ERICH3: variants seen among roughly 807,000 people sequenced by gnomAD.
The protein encoded by ERICH3 is glutamate rich 3.
ERICH3 carries 126 observed loss-of-function variants against 131.1 expected under a neutral mutation model. That is an observed-to-expected ratio of 0.96 (90% CI 0.83 to 1.11). The LOEUF (loss-of-function observed/expected upper bound fraction) is 1.11, where lower values mean the gene tolerates loss of function less well. ERICH3 is among the 50% of genes most tolerant of loss of function. ERICH3 has a pLI of 0.00. For missense variants in ERICH3, 2,050 were observed against 1,810.7 expected (o/e 1.13, Z -2.40); for synonymous variants, 695 against 644.6 (o/e 1.08, Z -1.18).
chr1:74,590,154 C>T, intron 11 of ERICH3, 74 bp from the exon 12 acceptor site: 2 of 1,263,018 alleles, frequency 1.6e-6, no homozygotes, highest in Non-Finnish European at 1.1e-6. Context: ...ATTATGTTAG[C>T]AATTAATAAT....
chr1:74,584,571 C>T (rs1647247769), intron 12 of ERICH3, among the ~76,000 whole-genome samples: 1 of 152,172 alleles, frequency 6.6e-6, no homozygotes, highest in Admixed American at 6.5e-5. Context: ...TCATTCATCT[C>T]TGTTCAGATG....
chr1:74,668,486 A>C (rs1646711952), intron 1 of ERICH3, among the ~76,000 whole-genome samples: 1 of 152,238 alleles, frequency 6.6e-6, no homozygotes, highest in African/African-American at 2.4e-5. Context: ...AGATTTCAAT[A>C]TAGTTGAAGA....
At chr1:74,603,450 A>G (rs1338031866) in intron 10 of ERICH3, among the ~76,000 whole-genome samples, 1 of 151,934 alleles carries the variant, frequency 6.6e-6, no homozygotes, top group Non-Finnish European at 1.5e-5. Flanking sequence ...GTGTGTGCAC[A>G]GTGCCTAGTT....
intron 6 of ERICH3, among the ~76,000 whole-genome samples, chr1:74,632,557 C>T (rs956131365): frequency 2.0e-5 from 3 of 151,872 alleles, no homozygotes; most frequent in East Asian, 3.9e-4. Context: ...GATACATATA[C>T]ACACATGCAC....
chr1:74,605,678 AATTG>A (rs1413648778), intron 10 of ERICH3, among the ~76,000 whole-genome samples: 2 of 151,664 alleles, frequency 1.3e-5, no homozygotes, highest in African/African-American at 4.8e-5. Flanking sequence ...GCAGTCAGAA[AATTG>A]ATTAACTTCA....
chr1:74,654,019 TAA>T (rs1383704519), intron 1 of ERICH3, among the ~76,000 whole-genome samples: 1 of 152,328 alleles, frequency 6.6e-6, no homozygotes, highest in Admixed American at 6.5e-5. Flanking sequence ...CAATTTATTA[TAA>T]GATTGCCTTT....
chr1:74,616,145 G>A (rs2100603263), intron 8 of ERICH3, among the ~76,000 whole-genome samples: 1 of 152,062 alleles, frequency 6.6e-6, no homozygotes, highest in South Asian at 2.1e-4. Context: ...GGGATTACAG[G>A]CACACACCAC....
intron 12 of ERICH3, among the ~76,000 whole-genome samples, chr1:74,582,758 T>TTATGATCA (rs1647201249): frequency 6.6e-6 from 1 of 152,168 alleles, no homozygotes; most frequent in South Asian, 2.1e-4. Flanking sequence ...AAAAACATTC[T>TTATGATCA]TATGATCATT....
chr1:74,665,396 TATCA>T (rs541826277), intron 1 of ERICH3, among the ~76,000 whole-genome samples: 256 of 152,258 alleles, frequency 1.7e-3, no homozygotes, highest in African/African-American at 5.7e-3. Flanking sequence ...CCCCATATGT[TATCA>T]ATCAATCAAT....
At chr1:74,577,649 T>C (rs2100533145) in intron 12 of ERICH3, 1 of 152,060 alleles carries the variant, frequency 6.6e-6, no homozygotes, top group South Asian at 2.1e-4. Flanking sequence ...AGCTATGATT[T>C]CAAAAAGAAA....
Position 74,589,919 on chromosome 1 carries a change from T to G in ERICH3, c.1888A>C (p.Arg630=). The change falls in exon 12 of 15, where the codon AGA becomes CGA. Residue 630 remains arginine, a synonymous_variant. Coordinates refer to ENST00000326665, the MANE Select transcript of ERICH3 (RefSeq NM_001002912.5). ...SQELSENDKP[R]KSHLPIEESL... ...TCCTCAATTGGAAGGTGAGACTTTC[T>G]TGGCTTATCATTTTCACTCAGTTCC... 1 of 1,614,112 alleles carries G rather than the reference T, an allele frequency of 6.2e-7. No homozygotes were observed. Among genetic ancestry groups the G allele is most frequent in the South Asian group, 1.1e-5 (1 of 91,088 alleles).
chr1:74,589,591 C>T, intron 12 of ERICH3, 40 bp downstream of exon 12: 1 of 1,574,430 alleles, frequency 6.4e-7, no homozygotes, highest in Non-Finnish European at 8.7e-7. Flanking sequence ...AGCTTCCATG[C>T]ATGAGGATGA....
chr1:74,670,729 G>A (rs903061101), intron 1 of ERICH3, among the ~76,000 whole-genome samples: 19 of 152,248 alleles, frequency 1.2e-4, no homozygotes, highest in East Asian at 7.7e-4. Flanking sequence ...GAATAACAGC[G>A]ATTTTTAGGG....
intron 8 of ERICH3, among the ~76,000 whole-genome samples, chr1:74,618,459 TC>T (rs1649077963): frequency 6.6e-6 from 1 of 152,020 alleles, no homozygotes; most frequent in Admixed American, 6.6e-5. Flanking sequence ...TGCAACAGGA[TC>T]CGGTTATGGA....
rs1646897877 is a variant in ERICH3, at chr1:74,568,514, T to C, written c.*1944A>G. The C allele has an allele frequency of 6.6e-6, 1 of 152,156 alleles. No homozygotes were observed. The highest frequency in any genetic ancestry group is 1.5e-5 in the Non-Finnish European group (1 of 67,988). The allele number at this position is 152,156 out of a possible 1,614,324, so 9.4% of individuals were successfully genotyped here. A position where few individuals can be genotyped will look rare whatever the true frequency, so the allele number is the denominator to read the frequency against. ...GCTCAGTAATAAATGAACTTGAATA[T>C]AATGTAGATGAAATCTACTCATAAA... On this transcript the variant is annotated 3_prime_UTR_variant, in exon 15 of 15. Coordinates refer to ENST00000326665, the MANE Select transcript of ERICH3 (RefSeq NM_001002912.5).
chr1:74,621,086 A>T (rs1206288532), intron 7 of ERICH3, among the ~76,000 whole-genome samples, 172 bp from the exon 8 acceptor site: 1 of 152,228 alleles, frequency 6.6e-6, no homozygotes, highest in Non-Finnish European at 1.5e-5. Context: ...TGCAAAATAA[A>T]TCCTCCTAAA....
intron 5 of ERICH3, among the ~76,000 whole-genome samples, chr1:74,640,722 T>C (rs1300180114): frequency 6.6e-6 from 1 of 152,196 alleles, no homozygotes; most frequent in Non-Finnish European, 1.5e-5. Context: ...AGTGTTTAGT[T>C]TCTTCAGATA....
intron 12 of ERICH3, chr1:74,579,278 T>C: frequency 1.1e-5 from 6 of 557,282 alleles, no homozygotes; most frequent in Non-Finnish European, 1.4e-5. Flanking sequence ...TTCCAAGTAG[T>C]CCACAGGGTA....
chr1:74,583,625 G>T (rs1194041544), intron 12 of ERICH3, among the ~76,000 whole-genome samples: 1 of 152,014 alleles, frequency 6.6e-6, no homozygotes, highest in Non-Finnish European at 1.5e-5. Context: ...AGTGTCTGAG[G>T]GGTTTGGGCA....
Sources: allele counts gnomAD v4.1 joint callset (sites outside exome capture counted in the v4.1 genomes callset), GRCh38; gene constraint gnomAD v4.1.1; transcripts MANE v1.5; gene names NCBI Gene and HGNC (gene_info 2026-07-23, HGNC 2026-07-21).